The following FBXL17 variants were observed in gnomAD, a reference collection of about 807,000 sequenced individuals.
The protein encoded by FBXL17 is F-box/LRR-repeat protein 17.
A neutral mutation model predicts 66.2 loss-of-function variants in FBXL17; 22 were observed. That is an observed-to-expected ratio of 0.33 (90% CI 0.24 to 0.47). The LOEUF (loss-of-function observed/expected upper bound fraction) is 0.47, where lower values mean the gene tolerates loss of function less well. Among genes scored for constraint, FBXL17 ranks in the 20% least tolerant of loss-of-function variants. The probability of loss-of-function intolerance (pLI) is 1.00; values close to 1 mark genes in which losing one functional copy is unlikely to be tolerated. For synonymous variants in FBXL17, 474 were observed against 400.5 expected, an observed-to-expected ratio of 1.18 and a Z score of -2.19; for missense variants, 878 against 948.2, an observed-to-expected ratio of 0.93 and a Z score of 0.97.
chr5:108,073,268 A>G (rs1748412504), intron 6 of FBXL17, among the ~76,000 whole-genome samples: 3 of 152,180 alleles, frequency 2.0e-5, no homozygotes, highest in Admixed American at 2.0e-4. Flanking sequence ...TTTGAAATTT[A>G]GCGCTAAAGT....
At chr5:108,180,187 C>T (rs1752946079) in intron 6 of FBXL17, among the ~76,000 whole-genome samples, 1 of 152,126 alleles carries the variant, frequency 6.6e-6, no homozygotes, top group African/African-American at 2.4e-5. Context: ...TTTGCAACTT[C>T]AAATGGTCTT....
At chr5:108,271,805 T>C (rs535007196) in intron 4 of FBXL17, among the ~76,000 whole-genome samples, 2 of 152,312 alleles carry the variant, frequency 1.3e-5, no homozygotes, top group East Asian at 1.9e-4. Context: ...GCGTTAAGAA[T>C]TCTTGAAAGA....
intron 6 of FBXL17, among the ~76,000 whole-genome samples, chr5:108,151,843 G>A (rs755601046): frequency 2.6e-5 from 4 of 152,160 alleles, no homozygotes; most frequent in African/African-American, 4.8e-5. Context: ...AACACAATAT[G>A]CTCCAATGAC....
chr5:108,290,972 CAG>C (rs1448143875), intron 4 of FBXL17, among the ~76,000 whole-genome samples: 6 of 152,022 alleles, frequency 3.9e-5, no homozygotes, highest in Non-Finnish European at 5.9e-5. Flanking sequence ...ATTAAAACTG[CAG>C]AAGTGGAAAC....
At chr5:108,109,474 T>C (rs754480851) in intron 6 of FBXL17, among the ~76,000 whole-genome samples, 18 of 152,240 alleles carry the variant, frequency 1.2e-4, no homozygotes, top group Non-Finnish European at 2.2e-4. Context: ...CACACTTCTC[T>C]GTATTGACTG....
intron 4 of FBXL17, among the ~76,000 whole-genome samples, chr5:108,242,304 C>A (rs1312247808): frequency 6.6e-6 from 1 of 152,154 alleles, no homozygotes; most frequent in African/African-American, 2.4e-5. Flanking sequence ...GCCTCAGCCT[C>A]CCAAGCAGCT....
At chr5:108,367,554 G>T (rs1462499327) in intron 2 of FBXL17, among the ~76,000 whole-genome samples, 1 of 151,918 alleles carries the variant, frequency 6.6e-6, no homozygotes, top group African/African-American at 2.4e-5. Context: ...CCCACAGAAA[G>T]AAGTTTAATA....
chr5:108,288,719 T>C (rs560921351), intron 4 of FBXL17, among the ~76,000 whole-genome samples: 1 of 151,816 alleles, frequency 6.6e-6, no homozygotes, highest in South Asian at 2.1e-4. Context: ...AGTGAGAAAT[T>C]TGTGTGGGGG....
At chr5:108,144,620 T>C (rs1252418468) in intron 6 of FBXL17, among the ~76,000 whole-genome samples, 4 of 150,888 alleles carry the variant, frequency 2.7e-5, no homozygotes, top group African/African-American at 9.9e-5. Flanking sequence ...GGCAAAAAAC[T>C]GTACCTAGTA....
intron 7 of FBXL17, among the ~76,000 whole-genome samples, chr5:107,908,355 A>T (rs1420562323): frequency 6.6e-6 from 1 of 152,176 alleles, no homozygotes; most frequent in East Asian, 1.9e-4. Context: ...TTAATTCAAC[A>T]AATGATAATA....
chr5:107,862,743 C>A (rs1306418402), intron 8 of FBXL17, among the ~76,000 whole-genome samples: 1 of 152,154 alleles, frequency 6.6e-6, no homozygotes, highest in Non-Finnish European at 1.5e-5. Flanking sequence ...ACTTGTGATA[C>A]ACATTTTTGA....
intron 6 of FBXL17, among the ~76,000 whole-genome samples, chr5:108,151,010 A>C (rs917049340): frequency 6.6e-6 from 1 of 152,200 alleles, no homozygotes; most frequent in Non-Finnish European, 1.5e-5. Flanking sequence ...TGGTTGTTAC[A>C]TTAACCAGTC....
chr5:108,020,585 CTTAG>C (rs1210952479), intron 7 of FBXL17, among the ~76,000 whole-genome samples: 5 of 151,748 alleles, frequency 3.3e-5, no homozygotes, highest in Non-Finnish European at 7.4e-5. Context: ...TAATAATTTT[CTTAG>C]TTATATTTAT....
rs1327549056 is a variant in FBXL17, at chr5:108,381,476, G to GGCGGGC, written c.210_215dup (p.Pro73_Ala74dup). 9 of 1,322,752 alleles carry GGCGGGC rather than the reference G, an allele frequency of 6.8e-6. No homozygotes were observed. The highest frequency in any genetic ancestry group is 8.6e-6 in the Non-Finnish European group (9 of 1,042,932). The allele number at this position is 1,322,752 out of a possible 1,614,324, so 81.9% of individuals were successfully genotyped here. On this transcript the variant is annotated inframe_insertion, in exon 1 of 9. Transcript: ENST00000542267. ...GCGGCTCCTCCTCTGGGCCGGCGGGGGCGGGCGCGCCGGGACTGTGCACGA... is the reference window on the plus strand; with the variant it reads ...GCGGCTCCTCCTCTGGGCCGGCGGGGGCGGGCGCGGGCGCGCCGGGACTGTGCACGA...
At chr5:108,357,722 G>GTT (rs35941487) in intron 3 of FBXL17, among the ~76,000 whole-genome samples, 41 of 145,280 alleles carry the variant, frequency 2.8e-4, no homozygotes, top group Admixed American at 4.7e-4. Context: ...TAAATAACAC[G>GTT]TTTTTTTTTT....
intron 6 of FBXL17, among the ~76,000 whole-genome samples, chr5:108,078,035 A>G (rs1457142884): frequency 6.6e-6 from 1 of 152,172 alleles, no homozygotes; most frequent in Non-Finnish European, 1.5e-5. Context: ...AAAATACCTC[A>G]GAGGCGCTAG....
intron 6 of FBXL17, among the ~76,000 whole-genome samples, chr5:108,076,942 A>G (rs1748575194): frequency 2.0e-5 from 3 of 152,210 alleles, no homozygotes; most frequent in Non-Finnish European, 4.4e-5. Flanking sequence ...TATGGAGCCA[A>G]TAAGAAACCC....
chr5:108,307,459 G>A (rs980069296), intron 4 of FBXL17, among the ~76,000 whole-genome samples: 4 of 151,700 alleles, frequency 2.6e-5, no homozygotes, highest in African/African-American at 4.8e-5. Flanking sequence ...GGCATGTGTC[G>A]CCATAGCCAC....
At chr5:108,302,650 T>C (rs949316383) in intron 4 of FBXL17, among the ~76,000 whole-genome samples, 4 of 151,806 alleles carry the variant, frequency 2.6e-5, no homozygotes, top group Admixed American at 2.6e-4. Context: ...TAAATAACGT[T>C]TTAAGGAATG....
Sources: allele counts gnomAD v4.1 joint callset (sites outside exome capture counted in the v4.1 genomes callset), GRCh38; gene constraint gnomAD v4.1.1; transcripts MANE v1.5; gene names NCBI Gene and HGNC (gene_info 2026-07-23, HGNC 2026-07-21).